SOX6: variants seen among roughly 807,000 people sequenced by gnomAD.
SOX6 encodes the protein transcription factor SOX-6.
A neutral mutation model predicts 97.8 loss-of-function variants in SOX6; 11 were observed. The observed-to-expected ratio is 0.11, with a 90% CI of 0.07 to 0.19. The LOEUF (loss-of-function observed/expected upper bound fraction) is 0.19, where lower values mean the gene tolerates loss of function less well. SOX6 is among the 10% of genes least tolerant of loss of function. The probability of loss-of-function intolerance (pLI) is 1.00; values close to 1 mark genes in which losing one functional copy is unlikely to be tolerated. For synonymous variants in SOX6, 360 were observed against 371.4 expected, an observed-to-expected ratio of 0.97 and a Z score of 0.35; for missense variants, 810 against 1,039.5, an observed-to-expected ratio of 0.78 and a Z score of 3.04.
chr11:16,452,012 A>AAATAAAT (rs1554968282), intron 1 of SOX6, among the ~76,000 whole-genome samples: 5 of 142,104 alleles, frequency 3.5e-5, no homozygotes, highest in East Asian at 4.2e-4. Flanking sequence ...ATAAATAAAT[A>AAATAAAT]AAATAAAATT....
At chr11:16,117,848 C>T (rs1042799792) in intron 6 of SOX6, among the ~76,000 whole-genome samples, 1 of 152,142 alleles carries the variant, frequency 6.6e-6, no homozygotes, top group African/African-American at 2.4e-5. Flanking sequence ...ACATTGGAAA[C>T]AGCAACCCCC....
intron 3 of SOX6, among the ~76,000 whole-genome samples, chr11:16,663,511 C>T (rs530251419): frequency 1.7e-4 from 26 of 152,130 alleles, no homozygotes; most frequent in Middle Eastern, 6.8e-3. Flanking sequence ...TTTGCAGATA[C>T]GGGGTATCAC....
intron 6 of SOX6, among the ~76,000 whole-genome samples, chr11:16,146,999 C>T (rs1430732880): frequency 1.3e-5 from 2 of 152,190 alleles, no homozygotes; most frequent in African/African-American, 4.8e-5. Context: ...CATCCCATTA[C>T]TGGGTATATA....
intron 3 of SOX6, among the ~76,000 whole-genome samples, chr11:16,637,355 G>A (rs989389274): frequency 6.6e-6 from 1 of 152,014 alleles, no homozygotes; most frequent in Admixed American, 6.6e-5. Flanking sequence ...TGAGTACCTG[G>A]GACTACAGGC....
intron 9 of SOX6, among the ~76,000 whole-genome samples, chr11:16,069,600 G>GT (rs1484402027): frequency 1.3e-5 from 2 of 152,124 alleles, no homozygotes; most frequent in Non-Finnish European, 2.9e-5. Context: ...TGCAACCTTA[G>GT]TAATTAGGTT....
chr11:16,718,978 T>TAAAAAAAAAAAA (rs558276025), intron 2 of SOX6, among the ~76,000 whole-genome samples: 1 of 86,828 alleles, frequency 1.2e-5, no homozygotes, highest in African/African-American at 3.7e-5. Context: ...TTTTTAAAAT[T>TAAAAAAAAAAAA]AAAAAAAAAA....
chr11:16,349,212 C>T (rs1856843833), intron 1 of SOX6, among the ~76,000 whole-genome samples: 1 of 152,138 alleles, frequency 6.6e-6, no homozygotes, highest in Non-Finnish European at 1.5e-5. Flanking sequence ...AGATTTAAGA[C>T]ATTCAAATTT....
intron 6 of SOX6, among the ~76,000 whole-genome samples, chr11:16,117,766 T>C (rs991130588): frequency 5.9e-5 from 9 of 152,158 alleles, no homozygotes; most frequent in Non-Finnish European, 8.8e-5. Context: ...CTATGAAGAA[T>C]GTAATACTGC....
chr11:16,007,946 T>C (rs1854606987), intron 13 of SOX6, among the ~76,000 whole-genome samples: 2 of 152,074 alleles, frequency 1.3e-5, no homozygotes, highest in Non-Finnish European at 2.9e-5. Flanking sequence ...ATTGCTCAGT[T>C]GCTGTAGCAA....
intron 3 of SOX6, among the ~76,000 whole-genome samples, chr11:16,242,360 A>T (rs528249825): frequency 3.9e-4 from 59 of 152,104 alleles, no homozygotes; most frequent in African/African-American, 1.4e-3. Flanking sequence ...GTACTAGGCC[A>T]TACCATGTAG....
At chr11:15,974,378 C>CTTTTTTTTTTTTTTTTTTTTTTTT (rs35597667) in intron 15 of SOX6, among the ~76,000 whole-genome samples, 5 of 85,658 alleles carry the variant, frequency 5.8e-5, no homozygotes, top group Non-Finnish European at 1.0e-4. Context: ...TTAGCTCTCT[C>CTTTTTTTTTTTTTTTTTTTTTTTT]TTTTTTTTTT....
rs1853364074 is a variant in SOX6 at position 15,973,022 on chromosome 11, C to T, written c.2274G>A (p.Met758Ile). The change falls in exon 16 of 16, where the codon ATG (methionine) becomes ATA (isoleucine). Residue 758 changes from methionine to isoleucine, a missense_variant. By Grantham distance (10) the Met-to-Ile change is conservative. Coordinates refer to ENST00000683767, the MANE Select transcript of SOX6 (RefSeq NM_001367873.1). ...CCGAGGTGCTAGAGCAGTCAGATGTCATCTGAGGCGATGGTGTGGTAGTTG... is the reference window on the plus strand; with the variant it reads ...CCGAGGTGCTAGAGCAGTCAGATGTTATCTGAGGCGATGGTGTGGTAGTTG... ...TMATTTPSPQMTSDCSSTSAS... is the reference protein window; with the variant it reads ...TMATTTPSPQITSDCSSTSAS... The T allele has an allele frequency of 1.2e-6, 2 of 1,614,136 alleles. No individual in the cohort carries two copies. Among genetic ancestry groups the T allele is most frequent in the Non-Finnish European group, 1.7e-6 (2 of 1,180,010 alleles).
At position 15,970,453 on chromosome 11, in the gene SOX6, A is replaced by C. The variant is rs1396502635; in HGVS notation, c.*2356T>G. 6.6e-6 allele frequency: 1 copy of C among 152,638 alleles called. No individual in the cohort carries two copies. Among genetic ancestry groups the C allele is most frequent in the Non-Finnish European group, 1.5e-5 (1 of 68,040 alleles). The allele number at this position is 152,638 out of a possible 1,614,324, so 9.5% of individuals were successfully genotyped here. A position where few individuals can be genotyped will look rare whatever the true frequency, so the allele number is the denominator to read the frequency against. ...AATGCAACAAAATAAGAAAGAAGTGAGAGAGAGCAAAAGCAAAAGCCAAAG... is the reference window on the plus strand; with the variant it reads ...AATGCAACAAAATAAGAAAGAAGTGCGAGAGAGCAAAAGCAAAAGCCAAAG... On this transcript the variant is annotated 3_prime_UTR_variant, in exon 16 of 16. Coordinates refer to ENST00000683767, the MANE Select transcript of SOX6 (RefSeq NM_001367873.1).
intron 3 of SOX6, chr11:16,269,807 T>C (rs1370638576): frequency 6.6e-6 from 1 of 151,302 alleles, no homozygotes; most frequent in East Asian, 1.9e-4. Context: ...GGAAGAATTT[T>C]TCTTTTATTA....
At chr11:16,204,456 T>C (rs993752369) in intron 4 of SOX6, among the ~76,000 whole-genome samples, 1 of 152,078 alleles carries the variant, frequency 6.6e-6, no homozygotes, top group Admixed American at 6.6e-5. Flanking sequence ...GGTATGTGTA[T>C]ATCTATACAG....
At chr11:16,224,826 A>G (rs1357610272) in intron 4 of SOX6, among the ~76,000 whole-genome samples, 2 of 151,930 alleles carry the variant, frequency 1.3e-5, no homozygotes, top group African/African-American at 4.8e-5. Flanking sequence ...ATTTTGGGGG[A>G]ATATTAAGTT....
At chr11:16,339,841 G>T (rs1036822000) in intron 2 of SOX6, among the ~76,000 whole-genome samples, 1 of 152,080 alleles carries the variant, frequency 6.6e-6, no homozygotes, top group East Asian at 1.9e-4. Flanking sequence ...CACCTTGGAG[G>T]TGTTAAAATG....
Position 16,055,798 on chromosome 11 carries a change from C to T in SOX6, c.1205G>A (p.Gly402Glu). ...GGTCCCTCTCTTTTCATTTTTTATCCCAGTAGGTGAGACCGTCCCTGCTGT... is the reference window on the plus strand; with the variant it reads ...GGTCCCTCTCTTTTCATTTTTTATCTCAGTAGGTGAGACCGTCCCTGCTGT... Reference protein sequence around the residue: ...PNTAGTVSPTGIKNEKRGTSP... With the variant: ...PNTAGTVSPTEIKNEKRGTSP... Residue 402 changes from glycine to glutamate, a missense_variant, in exon 10 of 16, where the codon GGG (glycine) becomes GAG (glutamate). Coordinates refer to ENST00000683767, the MANE Select transcript of SOX6 (RefSeq NM_001367873.1). 1 of 1,613,622 alleles carries T rather than the reference C, an allele frequency of 6.2e-7. No individual in the cohort carries two copies. Among genetic ancestry groups the T allele is most frequent in the Non-Finnish European group, 8.5e-7 (1 of 1,179,788 alleles).
At position 16,209,091 on chromosome 11, in the gene SOX6, T is replaced by C. The variant is rs573633508; in HGVS notation, c.536-22136A>G. On this transcript the variant is annotated intron_variant, in intron 4 of 15. Coordinates refer to ENST00000683767, the MANE Select transcript of SOX6 (RefSeq NM_001367873.1). ...ATGGGAATTCATCTCCTCTTAAGCCTGAAATACAAAAAATTTATGAAATTG... is the reference window on the plus strand; with the variant it reads ...ATGGGAATTCATCTCCTCTTAAGCCCGAAATACAAAAAATTTATGAAATTG... Among the ~76,000 whole-genome samples the C allele has an allele frequency of 2.3e-4, 35 of 152,294 alleles. 1 individual carries two copies. In the East Asian group the frequency reaches 5.6e-3, roughly 24 times the overall value.
Sources: allele counts gnomAD v4.1 joint callset (sites outside exome capture counted in the v4.1 genomes callset), GRCh38; gene constraint gnomAD v4.1.1; transcripts MANE v1.5; gene names NCBI Gene and HGNC (gene_info 2026-07-23, HGNC 2026-07-21).